Variants in ZNF740 observed in about 807,000 individuals in gnomAD.
The protein encoded by ZNF740 is zinc finger protein 740, also known as oriLyt TD-element-binding protein 7.
ZNF740 carries 14 observed loss-of-function variants against 24.8 expected under a neutral mutation model. That is an observed-to-expected ratio of 0.56 (90% CI 0.37 to 0.88). The LOEUF is 0.88. Ranked by LOEUF, ZNF740 falls within the 40% of genes least tolerant of loss-of-function variation. ZNF740 has a pLI of 0.00. For synonymous variants in ZNF740, 69 were observed against 84.0 expected, an observed-to-expected ratio of 0.82 and a Z score of 0.98; for missense variants, 201 against 247.9, an observed-to-expected ratio of 0.81 and a Z score of 1.27.
rs371452472 is a variant in ZNF740 at position 53,183,234 on chromosome 12, C to T, written c.9+1242C>T. Among the ~76,000 whole-genome samples, 12 of 152,200 alleles carry T rather than the reference C, an allele frequency of 7.9e-5. 1 individual carries two copies. The highest frequency in any genetic ancestry group is 2.9e-5 in the Non-Finnish European group (2 of 68,034). On this transcript the variant is annotated intron_variant, in intron 2 of 6. Transcript: ENST00000416904. The stretch of plus-strand genomic sequence containing the variant: ...GTGCTAGACACTGTTAAGCGTTTTA[C>T]GTCTTAGTTTACTTTTCATCAACCC...
rs149623424 is a variant in ZNF740 at position 53,191,908 on chromosome 12, C to T, written c.*4318C>T. ...CTCCTTCTCAAAGCGACTGTATTCC[C>T]GGCGGTCATAGATTTCCACCGAGAG... On this transcript the variant is annotated 3_prime_UTR_variant, in exon 7 of 7. Coordinates refer to ENST00000416904, the MANE Select transcript of ZNF740 (RefSeq NM_001004304.4). The T allele has an allele frequency of 1.1e-5, 18 of 1,611,486 alleles. No individual in the cohort carries two copies. Among genetic ancestry groups the T allele is most frequent in the African/African-American group, 5.4e-5 (4 of 74,638 alleles).
At chr12:53,183,939 G>A (rs1343909035) in intron 2 of ZNF740, among the ~76,000 whole-genome samples, 3 of 152,008 alleles carry the variant, frequency 2.0e-5, no homozygotes, top group African/African-American at 4.8e-5. Flanking sequence ...TAGAAGGATC[G>A]CTTAAGCCAG....
intron 2 of ZNF740, 33 bp downstream of exon 2, chr12:53,182,025 C>G (rs1027810326): frequency 1.2e-6 from 2 of 1,602,000 alleles, no homozygotes; most frequent in African/African-American, 2.7e-5. Flanking sequence ...TCCAAGATAA[C>G]TGGGAAGCCT....
rs189072910 is a variant in ZNF740 at position 53,187,805 on chromosome 12, C to T, written c.*215C>T. 4 of 545,602 alleles carry T rather than the reference C, an allele frequency of 7.3e-6. No homozygotes were observed. The highest frequency in any genetic ancestry group is 6.3e-5 in the Admixed American group (2 of 31,838). The allele number at this position is 545,602 out of a possible 1,614,324, so 33.8% of individuals were successfully genotyped here. On this transcript the variant is annotated 3_prime_UTR_variant, in exon 7 of 7. Coordinates refer to ENST00000416904, the MANE Select transcript of ZNF740 (RefSeq NM_001004304.4). ...TATGAGTATCTCGGGGAAGTTCTTA[C>T]AGCATTCCTGGGTAGGGGAGCTAGT... is the stretch of plus-strand genomic sequence containing the variant.
Position 53,193,113 on chromosome 12 carries a change from C to T in ZNF740, c.*5523C>T, listed in dbSNP as rs117362449. 2.3e-4 allele frequency: 367 copies of T among 1,580,234 alleles called. 1 individual carries two copies. In the East Asian group the frequency reaches 5.0e-3, roughly 22 times the overall value. ...TGCCTTGGGAAGGCCTCTCAGACCC[C>T]GCCCTTCTCCCCAAGGCTCCAGGTA... On this transcript the variant is annotated 3_prime_UTR_variant, in exon 7 of 7. Transcript: ENST00000416904.
chr12:53,193,051 A>G lies in ZNF740; in HGVS notation c.*5461A>G. 1.4e-6 allele frequency: 2 copies of G among 1,400,472 alleles called. No homozygotes were observed. Among genetic ancestry groups the G allele is most frequent in the Non-Finnish European group, 2.0e-6 (2 of 1,011,436 alleles). The allele number at this position is 1,400,472 out of a possible 1,614,324, so 86.8% of individuals were successfully genotyped here. ...AACCCATACACCGGAATCTTTTGAT[A>G]TTTGCCTTCCATGCCAGGAGATTCC... On this transcript the variant is annotated 3_prime_UTR_variant, in exon 7 of 7. Transcript: ENST00000416904.
In ZNF740 at chr12:53,189,504, C is replaced by A. The variant is rs1447408758; in HGVS notation, c.*1914C>A. On this transcript the variant is annotated 3_prime_UTR_variant, in exon 7 of 7. Transcript: ENST00000416904. Reference sequence around the variant, plus strand: ...CCATACCTCTGTGGTATGAGTATTTCAGGGAAAAAGAAAGCAGGCATGGCA... The same window carrying A: ...CCATACCTCTGTGGTATGAGTATTTAAGGGAAAAAGAAAGCAGGCATGGCA... The A allele has an allele frequency of 1.3e-5, 2 of 152,060 alleles. No homozygotes were observed. Among genetic ancestry groups the A allele is most frequent in the Non-Finnish European group, 2.9e-5 (2 of 68,020 alleles). The allele number at this position is 152,060 out of a possible 1,614,324, so 9.4% of individuals were successfully genotyped here.
At chr12:53,181,083 A>G in intron 1 of ZNF740, 1 of 865,680 alleles carries the variant, frequency 1.2e-6, no homozygotes, top group East Asian at 1.2e-4. Context: ...GCGAGCACGC[A>G]TCTCGCGCGC....
Position 53,181,987 on chromosome 12 carries a change from G to A in ZNF740, c.4G>A (p.Ala2Thr), listed in dbSNP as rs1406681349. ...TTGCCTTAAGTGAGAAATCAGCATG[G>A]CTCAGGTAAAAAGCTCTAGAGTCCT... The part of the protein sequence containing the change: M[A>T]QASLLACEGL... Residue 2 changes from alanine (A) to threonine (T), a missense_variant, in exon 2 of 7, where the codon GCT becomes ACT. Physicochemically the swap from Ala to Thr is moderately conservative, Grantham distance 58 (BLOSUM62 0). Around this residue, in one of 3 missense-constraint regions of ZNF740, gnomAD observed 117 missense variants for 122.3 expected, o/e 0.96. Transcript: ENST00000416904. 3 of 1,608,020 alleles carry A rather than the reference G, an allele frequency of 1.9e-6. No individual in the cohort carries two copies. The highest frequency in any genetic ancestry group is 1.3e-5 in the African/African-American group (1 of 74,848).
Position 53,194,077 on chromosome 12 carries a change from G to A in ZNF740, c.*6487G>A, listed in dbSNP as rs1003891788. The A allele has an allele frequency of 2.1e-6, 3 of 1,444,548 alleles. No individual in the cohort carries two copies. In the African/African-American group the frequency reaches 4.2e-5, roughly 20 times the overall value. The allele number at this position is 1,444,548 out of a possible 1,614,324, so 89.5% of individuals were successfully genotyped here. A position where few individuals can be genotyped will look rare whatever the true frequency, so the allele number is the denominator to read the frequency against. ...TCAGACTGCTCCAGGAAGGATGGAT[G>A]GAGGACTACCTCAGGCTCTCATGTC... On this transcript the variant is annotated 3_prime_UTR_variant, in exon 7 of 7. Coordinates refer to ENST00000416904, the MANE Select transcript of ZNF740 (RefSeq NM_001004304.4).
At position 53,194,180 on chromosome 12, in the gene ZNF740, G is replaced by T. The variant is rs1942075099; in HGVS notation, c.*6590G>T. On this transcript the variant is annotated 3_prime_UTR_variant, in exon 7 of 7. Transcript: ENST00000416904. ...ACCTCCCCCTGCCCGCCTTCTGCCT[G>T]TGCTTGCTGGCTCTCACCGTCTGGT... 6.2e-7 allele frequency: 1 copy of T among 1,613,786 alleles called. No individual in the cohort carries two copies. The highest frequency in any genetic ancestry group is 1.3e-5 in the African/African-American group (1 of 74,866).
chr12:53,193,134 A>G lies in ZNF740; in HGVS notation c.*5544A>G. ...ACCCCGCCCTTCTCCCCAAGGCTCCAGGTACCTCCGCAGAGGATGCCCTCA... is the reference window on the plus strand; with the variant it reads ...ACCCCGCCCTTCTCCCCAAGGCTCCGGGTACCTCCGCAGAGGATGCCCTCA... On this transcript the variant is annotated 3_prime_UTR_variant, in exon 7 of 7. Coordinates refer to ENST00000416904, the MANE Select transcript of ZNF740 (RefSeq NM_001004304.4). 1.2e-6 allele frequency: 2 copies of G among 1,600,458 alleles called. No individual in the cohort carries two copies. The highest frequency in any genetic ancestry group is 1.7e-6 in the Non-Finnish European group (2 of 1,169,464).
Position 53,193,409 on chromosome 12 carries a change from C to G in ZNF740, c.*5819C>G. 2 of 1,375,412 alleles carry G rather than the reference C, an allele frequency of 1.5e-6. No individual in the cohort carries two copies. Among genetic ancestry groups the G allele is most frequent in the Non-Finnish European group, 2.0e-6 (2 of 1,016,636 alleles). 85.2% of individuals were successfully genotyped at this position (1,375,412 alleles called of 1,614,324 possible). ...AGAGAAGTAGGTCAGAGGGTTTGAT[C>G]ACCCCTGACTTGTCTCTCCCAGGAA... is the stretch of plus-strand genomic sequence containing the variant. On this transcript the variant is annotated 3_prime_UTR_variant, in exon 7 of 7. Coordinates refer to ENST00000416904, the MANE Select transcript of ZNF740 (RefSeq NM_001004304.4).
chr12:53,192,857 T>A lies in ZNF740; in HGVS notation c.*5267T>A. Reference sequence around the variant, plus strand: ...ATGTCCCCACTGCATTCGCATGCTCTGCCCGTGCGGTTGGCATGACAGTGA... The same window carrying A: ...ATGTCCCCACTGCATTCGCATGCTCAGCCCGTGCGGTTGGCATGACAGTGA... On this transcript the variant is annotated 3_prime_UTR_variant, in exon 7 of 7. Coordinates refer to ENST00000416904, the MANE Select transcript of ZNF740 (RefSeq NM_001004304.4). The A allele has an allele frequency of 6.2e-7, 1 of 1,614,228 alleles. No homozygotes were observed. The highest frequency in any genetic ancestry group is 8.5e-7 in the Non-Finnish European group (1 of 1,180,046).
Position 53,184,937 on chromosome 12 carries a change from C to G in ZNF740, c.56C>G (p.Pro19Arg), listed in dbSNP as rs753333543. Reference protein sequence around the residue: ...CEGLAGVSLVPTAASKKMMLS... With the variant: ...CEGLAGVSLVRTAASKKMMLS... Reference sequence around the variant, plus strand: ...GGCCTAGCAGGTGTGAGTTTGGTTCCCACTGCAGCCAGCAAGAAGATGATG... The same window carrying G: ...GGCCTAGCAGGTGTGAGTTTGGTTCGCACTGCAGCCAGCAAGAAGATGATG... The change falls in exon 3 of 7, where the codon CCC (proline) becomes CGC (arginine). Residue 19 changes from proline (P) to arginine (R), a missense_variant. By Grantham distance (103) the Pro-to-Arg change is moderately radical. Around this residue, in one of 3 missense-constraint regions of ZNF740, gnomAD observed 117 missense variants for 122.3 expected, o/e 0.96. Transcript: ENST00000416904. The G allele has an allele frequency of 1.4e-5, 23 of 1,613,860 alleles. No individual in the cohort carries two copies. In the Admixed American group the frequency reaches 3.8e-4, roughly 27 times the overall value.
intron 2 of ZNF740, 93 bp downstream of exon 2, chr12:53,182,085 C>A: frequency 6.6e-7 from 1 of 1,516,884 alleles, no homozygotes; most frequent in Non-Finnish European, 9.0e-7. Flanking sequence ...ATTGACCAAC[C>A]CCAGTGATCC....
At chr12:53,182,229 G>A (rs115367698) in intron 2 of ZNF740, 157 of 566,242 alleles carry the variant, frequency 2.8e-4, no homozygotes, top group African/African-American at 2.8e-3. Context: ...TGGGACATTT[G>A]CAAAGCAACG....
chr12:53,191,646 G>A lies in ZNF740; in HGVS notation c.*4056G>A. The A allele has an allele frequency of 6.2e-7, 1 of 1,610,208 alleles. No homozygotes were observed. Among genetic ancestry groups the A allele is most frequent in the Non-Finnish European group, 8.5e-7 (1 of 1,176,430 alleles). On this transcript the variant is annotated 3_prime_UTR_variant, in exon 7 of 7. Coordinates refer to ENST00000416904, the MANE Select transcript of ZNF740 (RefSeq NM_001004304.4). ...AGAGAGGATTACTGTCCTGGAGAAA[G>A]ATGTTGCAGATTATAAGCAAAAATC...
At position 53,193,625 on chromosome 12, in the gene ZNF740, G is replaced by A; in HGVS notation, c.*6035G>A. On this transcript the variant is annotated 3_prime_UTR_variant, in exon 7 of 7. Transcript: ENST00000416904. ...GATGTCGAGGAGACTCCTGTGGGGG[G>A]GATGGAAAGCAGCGGAGGAATACGG... The A allele has an allele frequency of 1.6e-6, 2 of 1,218,432 alleles. No homozygotes were observed. Among genetic ancestry groups the A allele is most frequent in the South Asian group, 1.5e-5 (1 of 66,422 alleles). 75.5% of individuals were successfully genotyped at this position (1,218,432 alleles called of 1,614,324 possible).
Sources: gnomAD v4.1 joint callset for allele counts (sites outside exome capture counted in the v4.1 genomes callset) on GRCh38, gnomAD v4.1.1 for gene constraint, gnomAD v4.1.1 regional missense constraint, MANE v1.5 for transcripts, NCBI Gene and HGNC (gene_info 2026-07-23, HGNC 2026-07-21) for gene names.